The following HIBADH variants were observed in gnomAD, a reference collection of about 807,000 sequenced individuals.
The protein encoded by HIBADH is 3-hydroxyisobutyrate dehydrogenase, mitochondrial.
A neutral mutation model predicts 36.1 loss-of-function variants in HIBADH; 25 were observed. The observed-to-expected ratio is 0.69, with a 90% CI of 0.50 to 0.97. The LOEUF (loss-of-function observed/expected upper bound fraction) is 0.97. HIBADH is among the 50% of genes least tolerant of loss of function. The probability of loss-of-function intolerance (pLI) is 0.00; values close to 1 mark genes in which losing one functional copy is unlikely to be tolerated. For synonymous variants in HIBADH, 160 were observed against 149.5 expected (o/e 1.07, Z -0.51); for missense variants, 421 against 418.0 (o/e 1.01, Z -0.06).
Position 27,593,509 on chromosome 7 carries a change from A to G in HIBADH, c.484+35862T>C, listed in dbSNP as rs144925600. Among the ~76,000 whole-genome samples the G allele has an allele frequency of 1.4e-3, 215 of 152,292 alleles. 1 individual carries two copies. The highest frequency in any genetic ancestry group is 5.0e-3 in the African/African-American group (206 of 41,564). ...CAAACATACATTTAAAAAAAAAGAT[A>G]TTTCTTCAACATAATTTTTCAAAAA... is the stretch of plus-strand genomic sequence containing the variant. On this transcript the variant is annotated intron_variant, in intron 4 of 7. Transcript: ENST00000265395.
At chr7:27,645,737 A>T (rs534150111) in intron 2 of HIBADH, among the ~76,000 whole-genome samples, 77 of 152,230 alleles carry the variant, frequency 5.1e-4, no homozygotes, top group African/African-American at 1.7e-3. Flanking sequence ...TCACATGTTT[A>T]CTGGGTCATT....
intron 1 of HIBADH, among the ~76,000 whole-genome samples, chr7:27,658,682 TA>T (rs543039269): frequency 1.3e-4 from 20 of 152,094 alleles, no homozygotes; most frequent in South Asian, 8.3e-4. Flanking sequence ...TACACAAAAA[TA>T]AAAAAAACAT....
At chr7:27,598,272 T>C (rs892167685) in intron 4 of HIBADH, among the ~76,000 whole-genome samples, 1 of 152,188 alleles carries the variant, frequency 6.6e-6, no homozygotes, top group African/African-American at 2.4e-5. Flanking sequence ...TTCTGGAATA[T>C]AAAAGAACCA....
At chr7:27,547,911 A>C (rs1392506800) in intron 4 of HIBADH, among the ~76,000 whole-genome samples, 1 of 152,140 alleles carries the variant, frequency 6.6e-6, no homozygotes, top group Non-Finnish European at 1.5e-5. Context: ...AAAAAGCCTA[A>C]ATATTTGTGG....
intron 2 of HIBADH, among the ~76,000 whole-genome samples, chr7:27,646,851 G>A (rs1168047611): frequency 4.6e-5 from 7 of 151,692 alleles, no homozygotes; most frequent in Non-Finnish European, 7.4e-5. Context: ...ACACGCCACC[G>A]CGCCTGGCTA....
At chr7:27,533,465 TTCCC>T (rs2128183198) in intron 6 of HIBADH, among the ~76,000 whole-genome samples, 1 of 152,176 alleles carries the variant, frequency 6.6e-6, no homozygotes, top group Non-Finnish European at 1.5e-5. Context: ...CCCTCTCCAC[TTCCC>T]TCCCCCTGCC....
intron 4 of HIBADH, among the ~76,000 whole-genome samples, chr7:27,577,003 C>T (rs1784719992): frequency 6.6e-6 from 1 of 152,012 alleles, no homozygotes; most frequent in Admixed American, 6.6e-5. Context: ...TCAATGCATA[C>T]CAAATTACTA....
intron 4 of HIBADH, among the ~76,000 whole-genome samples, chr7:27,626,104 G>GAAAAAAAAAAAAAAAAAAA (rs70994672): frequency 1.4e-5 from 1 of 72,496 alleles, no homozygotes; most frequent in African/African-American, 5.4e-5. Context: ...CTCCGTCTCA[G>GAAAAAAAAAAAAAAAAAAA]AAAAAAAAAA....
intron 4 of HIBADH, among the ~76,000 whole-genome samples, chr7:27,564,018 C>G (rs561250279): frequency 6.6e-6 from 1 of 151,748 alleles, no homozygotes; most frequent in Admixed American, 6.6e-5. Context: ...CCTGCCTCAG[C>G]CTCCCAAGTA....
chr7:27,551,066 C>T (rs1009436634), intron 4 of HIBADH, among the ~76,000 whole-genome samples: 3 of 152,090 alleles, frequency 2.0e-5, no homozygotes, highest in Non-Finnish European at 2.9e-5. Flanking sequence ...GGCCAATCTA[C>T]AATGTATACA....
intron 1 of HIBADH, among the ~76,000 whole-genome samples, chr7:27,658,016 T>C (rs1056400225): frequency 6.6e-6 from 1 of 152,152 alleles, no homozygotes; most frequent in African/African-American, 2.4e-5. Context: ...CAACTGCCCC[T>C]TTTTGCCTAG....
intron 4 of HIBADH, among the ~76,000 whole-genome samples, chr7:27,562,084 A>C (rs977133216): frequency 4.6e-5 from 7 of 152,094 alleles, no homozygotes; most frequent in African/African-American, 1.7e-4. Context: ...AATTGGGTAC[A>C]TTTAATCCAT....
chr7:27,600,013 AT>A (rs1309086603), intron 4 of HIBADH, among the ~76,000 whole-genome samples: 1 of 152,176 alleles, frequency 6.6e-6, no homozygotes, highest in African/African-American at 2.4e-5. Flanking sequence ...GTAACTTCTT[AT>A]TTCTCAGATG....
chr7:27,631,047 A>G (rs1175532418), intron 3 of HIBADH, among the ~76,000 whole-genome samples: 1 of 152,240 alleles, frequency 6.6e-6, no homozygotes, highest in African/African-American at 2.4e-5. Flanking sequence ...GAAGCAAATT[A>G]TAGTTCAATG....
chr7:27,602,837 C>T (rs575145780), intron 4 of HIBADH, among the ~76,000 whole-genome samples: 2 of 152,170 alleles, frequency 1.3e-5, no homozygotes, highest in East Asian at 3.9e-4. Flanking sequence ...TACTATGTTT[C>T]GCATGCCAAA....
intron 3 of HIBADH, among the ~76,000 whole-genome samples, chr7:27,630,257 C>T (rs1000986635): frequency 6.6e-6 from 1 of 152,112 alleles, no homozygotes; most frequent in African/African-American, 2.4e-5. Context: ...CCACCTCAGC[C>T]TCCCAAGTAG....
At chr7:27,583,987 G>T (rs1409779574) in intron 4 of HIBADH, among the ~76,000 whole-genome samples, 4 of 151,972 alleles carry the variant, frequency 2.6e-5, no homozygotes, top group Non-Finnish European at 5.9e-5. Context: ...CTTAATAGAA[G>T]ACAGCTGGAT....
chr7:27,566,407 A>C (rs929613517), intron 4 of HIBADH, among the ~76,000 whole-genome samples: 12 of 151,660 alleles, frequency 7.9e-5, no homozygotes, highest in Admixed American at 6.6e-5. Context: ...TTTACACTGC[A>C]AAATTTATGT....
chr7:27,526,298 G>A lies in HIBADH; in HGVS notation c.927C>T (p.Ile309=), dbSNP rs746723873. The A allele has an allele frequency of 6.2e-7, 1 of 1,613,778 alleles. No individual in the cohort carries two copies. The change falls in exon 8 of 8, where the codon ATC becomes ATT. Residue 309 remains isoleucine (I), a synonymous_variant. Coordinates refer to ENST00000265395, the MANE Select transcript of HIBADH (RefSeq NM_152740.4). ...AGCCCTTTGCACACATCATCCTGTA[G>A]ATCTGATGGGCCAGACTGCCAAGAA... ...PILLGSLAHQ[I]YRMMCAKGYS... is the part of the protein sequence containing the mutation.
Sources: gnomAD v4.1 joint callset for allele counts (sites outside exome capture counted in the v4.1 genomes callset) on GRCh38, gnomAD v4.1.1 for gene constraint, MANE v1.5 for transcripts, NCBI Gene and HGNC (gene_info 2026-07-23, HGNC 2026-07-21) for gene names.